The following CSMD1 variants were observed in gnomAD, a reference collection of about 807,000 sequenced individuals.
CSMD1 encodes CUB and Sushi multiple domains 1.
CSMD1 carries 213 observed loss-of-function variants against 417.5 expected under a neutral mutation model. That is an observed-to-expected ratio of 0.51 (90% CI 0.46 to 0.57). The LOEUF is 0.57. Ranked by LOEUF, CSMD1 falls within the 20% of genes least tolerant of loss-of-function variation. The pLI is 0.00. For synonymous variants in CSMD1, 2,862 were observed against 1,736.8 expected, an observed-to-expected ratio of 1.65 and a Z score of -16.11; for missense variants, 6,923 against 4,529.7, an observed-to-expected ratio of 1.53 and a Z score of -15.17.
At chr8:4,019,141 T>A (rs549911226) in intron 4 of CSMD1, among the ~76,000 whole-genome samples, 77 of 152,254 alleles carry the variant, frequency 5.1e-4, no homozygotes, top group South Asian at 3.5e-3. Flanking sequence ...TCGTAAGACT[T>A]AAAGAAAAAG....
chr8:3,512,422 T>A lies in CSMD1; in HGVS notation c.1345-18696A>T, dbSNP rs928576052. On this transcript the variant is annotated intron_variant, in intron 10 of 69. Transcript: ENST00000635120. ...ATAGACAGGCTTTTGGTGCACAGAA[T>A]TTGATTTATGTATTTGTAATCCTGA... is the stretch of plus-strand genomic sequence containing the variant. 3.9e-5 allele frequency among the ~76,000 whole-genome samples: 6 copies of A among 152,154 alleles called. No homozygotes were observed. The East Asian group carries it at 7.8e-4, about 20-fold the overall frequency.
intron 1 of CSMD1, among the ~76,000 whole-genome samples, chr8:4,877,548 TG>T (rs1803128404): frequency 6.6e-6 from 1 of 152,120 alleles, no homozygotes; most frequent in South Asian, 2.1e-4. Context: ...ATCAATGCAT[TG>T]CACTAAGTTC....
intron 2 of CSMD1, among the ~76,000 whole-genome samples, chr8:4,432,689 G>T (rs185156414): frequency 2.6e-5 from 4 of 152,146 alleles, no homozygotes; most frequent in Non-Finnish European, 4.4e-5. Context: ...AAACCCTGGC[G>T]TCTCTCTCCA....
chr8:3,067,112 G>C (rs908136785), intron 49 of CSMD1, among the ~76,000 whole-genome samples: 18 of 152,096 alleles, frequency 1.2e-4, no homozygotes, highest in African/African-American at 4.1e-4. Flanking sequence ...AATACAATCA[G>C]TCTACGGAAT....
At chr8:4,143,048 CA>C (rs1353942597) in intron 3 of CSMD1, among the ~76,000 whole-genome samples, 2 of 150,106 alleles carry the variant, frequency 1.3e-5, no homozygotes, top group Non-Finnish European at 2.9e-5. Context: ...CCCAATCACA[CA>C]AACAAAATGA....
chr8:4,777,899 C>T (rs1286711649), intron 1 of CSMD1, among the ~76,000 whole-genome samples: 1 of 152,176 alleles, frequency 6.6e-6, no homozygotes, highest in Non-Finnish European at 1.5e-5. Context: ...AAATAAACTA[C>T]CTATCCCACA....
At chr8:4,971,576 G>T (rs1207125897) in intron 1 of CSMD1, among the ~76,000 whole-genome samples, 1 of 151,794 alleles carries the variant, frequency 6.6e-6, no homozygotes, top group East Asian at 1.9e-4. Context: ...TTAGCAGTAG[G>T]CTATGTTTAC....
intron 5 of CSMD1, among the ~76,000 whole-genome samples, chr8:3,842,494 T>G (rs1803202875): frequency 6.6e-6 from 1 of 152,172 alleles, no homozygotes; most frequent in Admixed American, 6.6e-5. Flanking sequence ...ATTTTTTGGC[T>G]AAATTTCTAG....
intron 3 of CSMD1, among the ~76,000 whole-genome samples, chr8:4,091,188 G>C (rs1174919909): frequency 6.6e-6 from 1 of 151,940 alleles, no homozygotes; most frequent in Non-Finnish European, 1.5e-5. Context: ...CAAAGTGCTG[G>C]GATTACGGGC....
intron 7 of CSMD1, among the ~76,000 whole-genome samples, chr8:3,691,449 C>A (rs115144253): frequency 6.6e-6 from 1 of 152,236 alleles, no homozygotes; most frequent in East Asian, 1.9e-4. Flanking sequence ...ATTGGCGCTT[C>A]CTTTATGCAA....
rs138874040 is a variant in CSMD1 at position 4,877,935 on chromosome 8, C to A, written c.85+116397G>T. Among the ~76,000 whole-genome samples the A allele has an allele frequency of 5.3e-3, 803 of 152,126 alleles. 11 individuals are homozygous for A. Among genetic ancestry groups the A allele is most frequent in the African/African-American group, 0.018 (739 of 41,464 alleles). On this transcript the variant is annotated intron_variant, in intron 1 of 69. Transcript: ENST00000635120. ...CCATCATGTACAATGGGAAAGGGAC[C>A]TACCCAAACAGAGACACACTATAAT...
chr8:3,575,824 G>C (rs1800127677), intron 9 of CSMD1, among the ~76,000 whole-genome samples: 1 of 144,374 alleles, frequency 6.9e-6, no homozygotes, highest in South Asian at 2.3e-4. Context: ...AATTTAATTG[G>C]CCTCCAGTTT....
Position 3,605,820 on chromosome 8 carries a change from G to C in CSMD1, c.1097+10890C>G, listed in dbSNP as rs75235276. ...CCCCCAAATTCCCTTTAGAGCCTAG[G>C]TTATGACTCTAATTTTAATTGTTAA... On this transcript the variant is annotated intron_variant, in intron 8 of 69. Coordinates refer to ENST00000635120, the MANE Select transcript of CSMD1 (RefSeq NM_033225.6). Among the ~76,000 whole-genome samples the C allele has an allele frequency of 1.5e-4, 23 of 152,218 alleles. No homozygotes were observed. In the East Asian group the frequency reaches 2.5e-3, roughly 17 times the overall value.
At chr8:3,095,823 C>T (rs776854477) in intron 47 of CSMD1, among the ~76,000 whole-genome samples, 8 of 152,098 alleles carry the variant, frequency 5.3e-5, no homozygotes, top group Non-Finnish European at 7.4e-5. Flanking sequence ...TTCAAATTGA[C>T]GATTCAACCA....
chr8:3,917,851 T>C (rs1204793285), intron 5 of CSMD1, among the ~76,000 whole-genome samples: 2 of 152,046 alleles, frequency 1.3e-5, no homozygotes, highest in Non-Finnish European at 2.9e-5. Flanking sequence ...AAGATCTACA[T>C]GCTTAGAAAT....
intron 10 of CSMD1, among the ~76,000 whole-genome samples, chr8:3,513,927 G>A (rs1361749997): frequency 6.6e-6 from 1 of 152,126 alleles, no homozygotes; most frequent in African/African-American, 2.4e-5. Flanking sequence ...AACATAAGAA[G>A]GGGCCATTAG....
intron 23 of CSMD1, among the ~76,000 whole-genome samples, chr8:3,327,983 T>C (rs114069376): frequency 0.012 from 1,803 of 152,224 alleles, 40 homozygotes; most frequent in African/African-American, 0.037. Flanking sequence ...CTGTGTATAA[T>C]TGGGGCATCT....
At chr8:3,134,174 A>G (rs1385342678) in intron 41 of CSMD1, among the ~76,000 whole-genome samples, 1 of 149,114 alleles carries the variant, frequency 6.7e-6, no homozygotes, top group Non-Finnish European at 1.5e-5. Flanking sequence ...CCATCTCAAA[A>G]AAACAAGAAA....
At position 4,266,716 on chromosome 8, in the gene CSMD1, C is replaced by T. The variant is rs551795893; in HGVS notation, c.415+153237G>A. Among the ~76,000 whole-genome samples the T allele has an allele frequency of 5.0e-3, 526 of 104,738 alleles. 76 individuals carry two copies. The highest frequency in any genetic ancestry group is 0.013 in the African/African-American group (504 of 38,534). 68.7% of individuals were successfully genotyped at this position (104,738 alleles called of 152,430 possible). Reference sequence around the variant, plus strand: ...ATTATACTTAGTTTTATACATTATACAAAAATTCTAATTTTTTGTCTAATA... The same window carrying T: ...ATTATACTTAGTTTTATACATTATATAAAAATTCTAATTTTTTGTCTAATA... On this transcript the variant is annotated intron_variant, in intron 3 of 69. Transcript: ENST00000635120.
Sources: allele counts gnomAD v4.1 joint callset (sites outside exome capture counted in the v4.1 genomes callset), GRCh38; gene constraint gnomAD v4.1.1; transcripts MANE v1.5; gene names NCBI Gene and HGNC (gene_info 2026-07-23, HGNC 2026-07-21).